Variants in NSUN6 observed in about 807,000 individuals in gnomAD.
NSUN6 encodes the protein NOP2/Sun RNA methyltransferase 6.
Under a neutral mutation model 58.0 loss-of-function variants are expected in NSUN6, and 64 were observed. That is an observed-to-expected ratio of 1.10 (90% CI 0.90 to 1.36). The LOEUF is 1.36. NSUN6 is among the 40% of genes most tolerant of loss of function. The probability of loss-of-function intolerance (pLI) is 0.00; values close to 1 mark genes in which losing one functional copy is unlikely to be tolerated. For missense variants in NSUN6, 701 were observed against 550.1 expected (o/e 1.27, Z -2.74); for synonymous variants, 231 against 193.9 (o/e 1.19, Z -1.59).
intron 5 of NSUN6, among the ~76,000 whole-genome samples, chr10:18,613,361 T>G (rs918118357): frequency 3.9e-5 from 6 of 152,166 alleles, no homozygotes; most frequent in Non-Finnish European, 7.4e-5. Flanking sequence ...CCTCTCAAAG[T>G]GCTGGAATTA....
At chr10:18,638,800 C>T (rs771886145) in intron 3 of NSUN6, among the ~76,000 whole-genome samples, 2 of 151,656 alleles carry the variant, frequency 1.3e-5, no homozygotes, top group East Asian at 1.9e-4. Context: ...GCAGGGGGTG[C>T]GGGAAATCTG....
intron 2 of NSUN6, among the ~76,000 whole-genome samples, chr10:18,647,158 G>A (rs749654619): frequency 6.6e-6 from 1 of 152,158 alleles, no homozygotes; most frequent in Non-Finnish European, 1.5e-5. Context: ...AATAGAGTAT[G>A]ACAAAGAGTC....
At chr10:18,557,510 G>A (rs567840141) in intron 8 of NSUN6, among the ~76,000 whole-genome samples, 1 of 150,934 alleles carries the variant, frequency 6.6e-6, no homozygotes, top group East Asian at 2.0e-4. Flanking sequence ...ATGGAGAATA[G>A]AATGGAAGGG....
At chr10:18,640,305 G>A (rs1364682888) in intron 3 of NSUN6, among the ~76,000 whole-genome samples, 1 of 152,162 alleles carries the variant, frequency 6.6e-6, no homozygotes, top group Non-Finnish European at 1.5e-5. Flanking sequence ...GGGAGGTGAG[G>A]TGGGACAGGA....
chr10:18,651,332 C>G lies in NSUN6; in HGVS notation c.-129G>C, dbSNP rs144613566. On this transcript the variant is annotated 5_prime_UTR_variant, in exon 1 of 11. Coordinates refer to ENST00000377304, the MANE Select transcript of NSUN6 (RefSeq NM_182543.5). ...GCTGAGGAAAATCTTGCCGATCACG[C>G]TGAGTTAATTTCGGAAATGCAGAGG... 88 of 1,401,556 alleles carry G rather than the reference C, an allele frequency of 6.3e-5. No homozygotes were observed. In the African/African-American group the frequency reaches 1.2e-3, roughly 19 times the overall value. The allele number at this position is 1,401,556 out of a possible 1,614,324, so 86.8% of individuals were successfully genotyped here. A position where few individuals can be genotyped will look rare whatever the true frequency, so the allele number is the denominator to read the frequency against.
At chr10:18,556,722 G>A (rs915541558) in intron 8 of NSUN6, among the ~76,000 whole-genome samples, 2 of 151,052 alleles carry the variant, frequency 1.3e-5, no homozygotes. Flanking sequence ...ATGGAATGGA[G>A]AATGGATTGG....
intron 6 of NSUN6, among the ~76,000 whole-genome samples, chr10:18,605,652 A>G (rs925730743): frequency 6.6e-6 from 1 of 152,234 alleles, no homozygotes; most frequent in Non-Finnish European, 1.5e-5. Flanking sequence ...CAAAACAAAC[A>G]TCACCAGTAA....
At chr10:18,633,654 C>A (rs554776823) in intron 3 of NSUN6, among the ~76,000 whole-genome samples, 4 of 152,136 alleles carry the variant, frequency 2.6e-5, no homozygotes, top group African/African-American at 9.6e-5. Context: ...AAATCAGAAT[C>A]TAGGAATATC....
At position 18,612,021 on chromosome 10, in the gene NSUN6, C is replaced by G. The variant is rs138452508; in HGVS notation, c.576-2095G>C. Among the ~76,000 whole-genome samples the G allele has an allele frequency of 8.5e-5, 13 of 152,278 alleles. No individual in the cohort carries two copies. The East Asian group carries it at 1.7e-3, about 20-fold the overall frequency. On this transcript the variant is annotated intron_variant, in intron 5 of 10. Transcript: ENST00000377304. ...GGTAAAACTCAGTTGCTGCTCCAGT[C>G]AGGACCAAATCAAACCACTGTATCC... is the stretch of plus-strand genomic sequence containing the variant.
chr10:18,554,108 A>G (rs187410199), intron 8 of NSUN6, among the ~76,000 whole-genome samples: 1 of 151,184 alleles, frequency 6.6e-6, no homozygotes, highest in Admixed American at 6.6e-5. Flanking sequence ...AATGGACAGG[A>G]ATGGAGAAGG....
Position 18,626,665 on chromosome 10 carries a change from G to C in NSUN6, c.312-10372C>G, listed in dbSNP as rs867827728. On this transcript the variant is annotated intron_variant, in intron 3 of 10. Transcript: ENST00000377304. ...CGCCTGTAATTCCATATACTCAGGAGGCTGAGGCAGGATAATCACTTGAAC... is the reference window on the plus strand; with the variant it reads ...CGCCTGTAATTCCATATACTCAGGACGCTGAGGCAGGATAATCACTTGAAC... Among the ~76,000 whole-genome samples, 68 of 152,328 alleles carry C rather than the reference G, an allele frequency of 4.5e-4. 1 individual carries two copies. The highest frequency in any genetic ancestry group is 1.6e-3 in the African/African-American group (67 of 41,576).
At chr10:18,624,700 T>C (rs1459835372) in intron 3 of NSUN6, among the ~76,000 whole-genome samples, 4 of 135,880 alleles carry the variant, frequency 2.9e-5, no homozygotes, top group African/African-American at 5.5e-5. Context: ...GTGAATGGAG[T>C]TGAAGAATAT....
intron 8 of NSUN6, among the ~76,000 whole-genome samples, chr10:18,560,601 T>G (rs893883962): frequency 7.2e-6 from 1 of 139,414 alleles, no homozygotes; most frequent in African/African-American, 2.7e-5. Flanking sequence ...TGGAATAGAA[T>G]GGAAAATGGA....
intron 3 of NSUN6, among the ~76,000 whole-genome samples, chr10:18,621,387 T>A (rs1044808866): frequency 1.3e-5 from 2 of 152,210 alleles, no homozygotes; most frequent in African/African-American, 2.4e-5. Context: ...TGTGCTGAAT[T>A]CCCTAATTCC....
At chr10:18,614,687 A>T (rs1049012661) in intron 4 of NSUN6, 74 bp from the exon 5 acceptor site, 2 of 712,686 alleles carry the variant, frequency 2.8e-6, no homozygotes, top group Non-Finnish European at 4.2e-6. Context: ...TTTGAGCTAG[A>T]TCGGTGATCT....
intron 8 of NSUN6, among the ~76,000 whole-genome samples, chr10:18,577,538 C>T (rs1413906984): frequency 6.6e-6 from 1 of 152,130 alleles, no homozygotes; most frequent in Non-Finnish European, 1.5e-5. Context: ...ACTATCTCCA[C>T]CTTATCCAGA....
At chr10:18,562,628 A>T (rs920163138) in intron 8 of NSUN6, among the ~76,000 whole-genome samples, 28 of 150,662 alleles carry the variant, frequency 1.9e-4, no homozygotes, top group African/African-American at 6.6e-4. Context: ...GAAATACAGA[A>T]TGGAAGAGAA....
intron 8 of NSUN6, among the ~76,000 whole-genome samples, chr10:18,564,909 TCATTCCATTCCATTCTC>T (rs1281075215): frequency 1.4e-5 from 2 of 147,500 alleles, no homozygotes; most frequent in African/African-American, 5.1e-5. Context: ...ATTCTATTCT[TCATTCCATTCCATTCTC>T]CATTCCATTC....
intron 8 of NSUN6, among the ~76,000 whole-genome samples, chr10:18,575,593 C>G (rs560915960): frequency 5.3e-5 from 8 of 152,312 alleles, no homozygotes; most frequent in African/African-American, 1.9e-4. Flanking sequence ...TACTCCCTGG[C>G]ACCAACCCTC....
Sources: gnomAD v4.1 joint callset for allele counts (sites outside exome capture counted in the v4.1 genomes callset) on GRCh38, gnomAD v4.1.1 for gene constraint, MANE v1.5 for transcripts, NCBI Gene and HGNC (gene_info 2026-07-23, HGNC 2026-07-21) for gene names.